The following RAB28 variants were observed in gnomAD, a reference collection of about 807,000 sequenced individuals.
RAB28 encodes the protein ras-related protein Rab-28.
RAB28 carries 24 observed loss-of-function variants against 31.7 expected under a neutral mutation model. The observed-to-expected ratio is 0.76, with a 90% CI of 0.55 to 1.06. The LOEUF (loss-of-function observed/expected upper bound fraction) is 1.06, where lower values mean the gene tolerates loss of function less well. Ranked by LOEUF, RAB28 falls within the 50% of genes least tolerant of loss-of-function variation. The pLI is 0.00. For missense variants in RAB28, 254 were observed against 258.5 expected, an observed-to-expected ratio of 0.98 and a Z score of 0.12; for synonymous variants, 100 against 90.4, an observed-to-expected ratio of 1.11 and a Z score of -0.60.
At chr4:13,474,233 T>C (rs1333596050) in intron 3 of RAB28, 85 bp downstream of exon 3, 1 of 864,752 alleles carries the variant, frequency 1.2e-6, no homozygotes, top group African/African-American at 1.7e-5. Context: ...AGAATGTGTG[T>C]GTGTGTGCAT....
chr4:13,371,534 T>A, intron 6 of RAB28: 2 of 985,218 alleles, frequency 2.0e-6, no homozygotes, highest in Non-Finnish European at 2.4e-6. Context: ...ATTTCATTAT[T>A]AATTTTCATC....
intron 4 of RAB28, among the ~76,000 whole-genome samples, chr4:13,437,546 G>A (rs1256961621): frequency 2.6e-5 from 4 of 151,922 alleles, no homozygotes; most frequent in Non-Finnish European, 5.9e-5. Flanking sequence ...GTGGACTAAT[G>A]ACATACAACA....
intron 4 of RAB28, among the ~76,000 whole-genome samples, chr4:13,416,861 C>T (rs1030063492): frequency 1.3e-5 from 2 of 152,198 alleles, no homozygotes; most frequent in Admixed American, 6.5e-5. Context: ...AAAAGAGGTA[C>T]ATGGTTCATC....
In RAB28 at chr4:13,484,100, CACG is replaced by C. The variant is rs1716752321; in HGVS notation, c.48_50del (p.Val17del). The stretch of plus-strand genomic sequence containing the variant: ...CCTTCCCGGAGGCGCCGTCCCCCAG[CACG>C]ACGATTTTCAGTTGCCGGTCCTGGC... On this transcript the variant is annotated inframe_deletion, in exon 1 of 7. Transcript: ENST00000330852. 1.9e-6 allele frequency: 3 copies of C among 1,602,436 alleles called. No homozygotes were observed. Among genetic ancestry groups the C allele is most frequent in the Non-Finnish European group, 2.6e-6 (3 of 1,174,942 alleles).
At chr4:13,403,164 G>A (rs961554199) in intron 4 of RAB28, among the ~76,000 whole-genome samples, 2 of 152,162 alleles carry the variant, frequency 1.3e-5, no homozygotes, top group Non-Finnish European at 2.9e-5. Flanking sequence ...TCCTAGGAAA[G>A]ACAGAAACAG....
At chr4:13,426,308 T>A (rs1713485560) in intron 4 of RAB28, among the ~76,000 whole-genome samples, 1 of 152,162 alleles carries the variant, frequency 6.6e-6, no homozygotes, top group Non-Finnish European at 1.5e-5. Flanking sequence ...TCATCCAATT[T>A]TATAAGCTTC....
intron 4 of RAB28, among the ~76,000 whole-genome samples, chr4:13,453,603 A>G (rs1189996946): frequency 6.6e-6 from 1 of 151,944 alleles, no homozygotes; most frequent in East Asian, 1.9e-4. Flanking sequence ...TTAATATTCT[A>G]ATATTCTTGG....
intron 4 of RAB28, among the ~76,000 whole-genome samples, chr4:13,434,119 C>T (rs1713966365): frequency 6.6e-6 from 1 of 152,054 alleles, no homozygotes; most frequent in African/African-American, 2.4e-5. Flanking sequence ...ACTGGGTACA[C>T]ATGGACATAA....
intron 4 of RAB28, among the ~76,000 whole-genome samples, chr4:13,389,883 A>AT (rs1260103879): frequency 6.6e-6 from 1 of 152,192 alleles, no homozygotes; most frequent in Non-Finnish European, 1.5e-5. Context: ...AACTCTCAAT[A>AT]AACTGGGTAT....
chr4:13,437,583 C>A (rs1656443286), intron 4 of RAB28, among the ~76,000 whole-genome samples: 1 of 151,992 alleles, frequency 6.6e-6, no homozygotes, highest in Admixed American at 6.6e-5. Context: ...ACGCAAGCAG[C>A]CAACAAACCT....
intron 3 of RAB28, among the ~76,000 whole-genome samples, chr4:13,470,090 A>G (rs1390290026): frequency 6.6e-6 from 1 of 152,130 alleles, no homozygotes; most frequent in East Asian, 1.9e-4. Flanking sequence ...CGTACTAAAT[A>G]AACACAGTAC....
intron 6 of RAB28, among the ~76,000 whole-genome samples, chr4:13,375,918 GA>G (rs1261974968): frequency 6.6e-6 from 1 of 152,030 alleles, no homozygotes; most frequent in Admixed American, 6.6e-5. Context: ...TGGGGTGGAA[GA>G]AATTGAGCAA....
chr4:13,404,840 C>T lies in RAB28; in HGVS notation c.392-23246G>A, dbSNP rs139655589. ...TAAAATGAACAAATTCAGTTAATAT[C>T]TTTTAACAATACTAACCAGTTTTTT... is the stretch of plus-strand genomic sequence containing the variant. On this transcript the variant is annotated intron_variant, in intron 4 of 6. Coordinates refer to ENST00000330852, the MANE Select transcript of RAB28 (RefSeq NM_001017979.3). 2.2e-4 allele frequency among the ~76,000 whole-genome samples: 33 copies of T among 151,758 alleles called. No homozygotes were observed. The East Asian group carries it at 5.4e-3, about 25-fold the overall frequency.
At chr4:13,467,774 C>G (rs976177555) in intron 3 of RAB28, among the ~76,000 whole-genome samples, 1 of 151,782 alleles carries the variant, frequency 6.6e-6, no homozygotes. Flanking sequence ...CAGATGTTAA[C>G]CCAGCTATAT....
intron 6 of RAB28, among the ~76,000 whole-genome samples, chr4:13,369,083 T>C (rs1196489801): frequency 6.6e-6 from 1 of 152,184 alleles, no homozygotes; most frequent in Non-Finnish European, 1.5e-5. Context: ...AAACTTTTCA[T>C]TGAATGTTTA....
intron 6 of RAB28, chr4:13,370,582 T>G (rs1230575404): frequency 1.0e-6 from 1 of 969,404 alleles, no homozygotes; most frequent in Non-Finnish European, 1.2e-6. Context: ...ATTAATTATC[T>G]TTGAAGGTGG....
At chr4:13,467,095 A>G (rs1291008902) in intron 3 of RAB28, among the ~76,000 whole-genome samples, 1 of 151,902 alleles carries the variant, frequency 6.6e-6, no homozygotes, top group Non-Finnish European at 1.5e-5. Context: ...TTTGAGAACT[A>G]TTGCACAGTG....
Position 13,451,136 on chromosome 4 carries a change from G to A in RAB28, c.391+9563C>T, listed in dbSNP as rs555360238. 2.3e-4 allele frequency among the ~76,000 whole-genome samples: 35 copies of A among 151,868 alleles called. No homozygotes were observed. In the East Asian group the frequency reaches 4.4e-3, roughly 19 times the overall value. Reference sequence around the variant, plus strand: ...TACTGTTGTAGTTTATATGAGATGAGATTCCCACTAACAGTGTATAAGAGT... The same window carrying A: ...TACTGTTGTAGTTTATATGAGATGAAATTCCCACTAACAGTGTATAAGAGT... On this transcript the variant is annotated intron_variant, in intron 4 of 6. Transcript: ENST00000330852.
At chr4:13,423,640 C>T (rs1412989894) in intron 4 of RAB28, among the ~76,000 whole-genome samples, 1 of 152,136 alleles carries the variant, frequency 6.6e-6, no homozygotes, top group African/African-American at 2.4e-5. Flanking sequence ...TACAATGGGA[C>T]AGTTGATGAG....
Sources: allele counts gnomAD v4.1 joint callset (sites outside exome capture counted in the v4.1 genomes callset), GRCh38; gene constraint gnomAD v4.1.1; transcripts MANE v1.5; gene names NCBI Gene and HGNC (gene_info 2026-07-23, HGNC 2026-07-21).